TRIOBP: variants seen among roughly 807,000 people sequenced by gnomAD.
The protein encoded by TRIOBP is TRIO and F-actin-binding protein.
TRIOBP carries 169 observed loss-of-function variants against 238.8 expected under a neutral mutation model. The ratio of observed to expected loss-of-function variants is 0.71; its 90% CI spans 0.62 to 0.80. The LOEUF is 0.80. Ranked by LOEUF, TRIOBP falls within the 30% of genes least tolerant of loss-of-function variation. The pLI is 0.00. For missense variants in TRIOBP, 2,838 were observed against 3,122.6 expected (o/e 0.91, Z 2.17); for synonymous variants, 1,150 against 1,274.4 (o/e 0.90, Z 2.08).
At chr22:37,706,131 G>C (rs1922933475) in intron 3 of TRIOBP, among the ~76,000 whole-genome samples, 3 of 152,236 alleles carry the variant, frequency 2.0e-5, no homozygotes, top group African/African-American at 7.2e-5. Flanking sequence ...GAAACCCATG[G>C]CTGACTCCTG....
intron 21 of TRIOBP, among the ~76,000 whole-genome samples, chr22:37,770,678 A>T (rs1004285418): frequency 6.2e-5 from 8 of 128,972 alleles, no homozygotes; most frequent in African/African-American, 2.4e-4. Flanking sequence ...TGCCCAGCCG[A>T]TATTTTATTT....
In TRIOBP at chr22:37,715,903, GGGA is replaced by G; in HGVS notation, c.602_604del (p.Gly201del). 6.2e-7 allele frequency: 1 copy of G among 1,613,332 alleles called. No individual in the cohort carries two copies. The highest frequency in any genetic ancestry group is 8.5e-7 in the Non-Finnish European group (1 of 1,179,860). ...CGTCTCTCCTCACCAGGTCCCCTGT[GGGA>G]GGAGATGCTGCAGGCCAGAAAAAGG... On this transcript the variant is annotated inframe_deletion, in exon 6 of 24. Coordinates refer to ENST00000644935, the MANE Select transcript of TRIOBP (RefSeq NM_001039141.3).
chr22:37,735,917 A>C (rs991445487), intron 9 of TRIOBP, among the ~76,000 whole-genome samples: 4 of 152,204 alleles, frequency 2.6e-5, no homozygotes, highest in African/African-American at 9.6e-5. Context: ...CCCACCTGGG[A>C]CTGTAGCCAG....
chr22:37,752,792 G>A (rs1029126117), intron 12 of TRIOBP, among the ~76,000 whole-genome samples: 2 of 152,178 alleles, frequency 1.3e-5, no homozygotes, highest in African/African-American at 4.8e-5. Flanking sequence ...CCCAGAGCTG[G>A]CCATTAGTCA....
Position 37,725,880 on chromosome 22 carries a change from C to G in TRIOBP, c.3324C>G (p.Leu1108=). ...CCCCCCAACACGAGCCCCTTCAGCT[C>G]CCTGCACCTGTGTGTATTGGGTACC... ...CQSPQHEPLQ[L]PAPVCIGYRD... The change falls in exon 7 of 24, where the codon CTC becomes CTG. Residue 1108 remains leucine (L), a synonymous_variant. Transcript: ENST00000644935. 3 of 1,613,060 alleles carry G rather than the reference C, an allele frequency of 1.9e-6. No homozygotes were observed. Among genetic ancestry groups the G allele is most frequent in the Non-Finnish European group, 1.7e-6 (2 of 1,179,696 alleles).
At chr22:37,746,191 C>A in intron 11 of TRIOBP, 1 of 1,032,984 alleles carries the variant, frequency 9.7e-7, no homozygotes. Flanking sequence ...CCCATTGGCC[C>A]GCTCGGGTCC....
rs770548327 is a variant in TRIOBP at position 37,724,685 on chromosome 22, C to A, written c.2129C>A (p.Ser710Tyr). 3.7e-6 allele frequency: 6 copies of A among 1,610,922 alleles called. No individual in the cohort carries two copies. The African/African-American group carries it at 8.1e-5, about 22-fold the overall frequency. The change falls in exon 7 of 24, where the codon TCT becomes TAT. Residue 710 changes from serine to tyrosine, a missense_variant. Coordinates refer to ENST00000644935, the MANE Select transcript of TRIOBP (RefSeq NM_001039141.3). ...CAACGGGACGATCCCAGAGCCTCCTCTCCTAACAGAACCACCCAACAAGAG... is the reference window on the plus strand; with the variant it reads ...CAACGGGACGATCCCAGAGCCTCCTATCCTAACAGAACCACCCAACAAGAG... ...CAQRDDPRAS[S>Y]PNRTTQQENP...
At chr22:37,759,591 C>T (rs1302248889) in intron 17 of TRIOBP, 1 of 1,575,230 alleles carries the variant, frequency 6.3e-7, no homozygotes, top group Non-Finnish European at 8.6e-7. Context: ...GCACTTGGAC[C>T]CTTGCCCCGG....
At chr22:37,699,988 C>T (rs980952521) in intron 2 of TRIOBP, among the ~76,000 whole-genome samples, 2 of 152,062 alleles carry the variant, frequency 1.3e-5, no homozygotes, top group Admixed American at 1.3e-4. Context: ...AAGCGATTCT[C>T]GTGCCTCAGC....
chr22:37,735,231 G>C lies in TRIOBP; in HGVS notation c.4895G>C (p.Gly1632Ala). The change falls in exon 9 of 24, where the codon GGC becomes GCC. Residue 1632 changes from glycine (G) to alanine (A), a missense_variant. Physicochemically the swap from Gly to Ala is moderately conservative, Grantham distance 60. Coordinates refer to ENST00000644935, the MANE Select transcript of TRIOBP (RefSeq NM_001039141.3). ...PEQESHSQPE[G>A]WAEATPVNGH... is the part of the protein sequence containing the mutation. Reference sequence around the variant, plus strand: ...CAGGAGTCACACAGCCAGCCAGAAGGCTGGGCCGAGGCCACCCCAGTCAAT... The same window carrying C: ...CAGGAGTCACACAGCCAGCCAGAAGCCTGGGCCGAGGCCACCCCAGTCAAT... 4 of 1,605,276 alleles carry C rather than the reference G, an allele frequency of 2.5e-6. No individual in the cohort carries two copies. Among genetic ancestry groups the C allele is most frequent in the Non-Finnish European group, 3.4e-6 (4 of 1,173,506 alleles).
intron 11 of TRIOBP, among the ~76,000 whole-genome samples, chr22:37,745,785 GT>G (rs1925192243): frequency 6.6e-6 from 1 of 152,176 alleles, no homozygotes; most frequent in South Asian, 2.1e-4. Context: ...CCGCTGAGTC[GT>G]TAGTACTGGG....
rs552463601 is a variant in TRIOBP, at chr22:37,764,969, C to T, written c.6325-701C>T. On this transcript the variant is annotated intron_variant, in intron 17 of 23. Coordinates refer to ENST00000644935, the MANE Select transcript of TRIOBP (RefSeq NM_001039141.3). ...CTGGGCTGCAGGTCAGTAAATTACC[C>T]AGGGAGGTAAAGTTGCCAAAAAAAC... Among the ~76,000 whole-genome samples the T allele has an allele frequency of 3.9e-5, 6 of 152,236 alleles. No homozygotes were observed. In the East Asian group the frequency reaches 9.6e-4, roughly 24 times the overall value.
Position 37,755,487 on chromosome 22 carries a change from C to T in TRIOBP, c.5578-63C>T, listed in dbSNP as rs551544026. On this transcript the variant is annotated intron_variant, in intron 14 of 23. Coordinates refer to ENST00000644935, the MANE Select transcript of TRIOBP (RefSeq NM_001039141.3). Reference sequence around the variant, plus strand: ...AGGAAGGGCCACCCTCCCTGGGGTCCATAGTGGGGAGGGAGTCATGCGGCT... The same window carrying T: ...AGGAAGGGCCACCCTCCCTGGGGTCTATAGTGGGGAGGGAGTCATGCGGCT... 10 of 1,434,316 alleles carry T rather than the reference C, an allele frequency of 7.0e-6. No individual in the cohort carries two copies. In the East Asian group the frequency reaches 2.3e-4, roughly 33 times the overall value. The allele number at this position is 1,434,316 out of a possible 1,614,324, so 88.8% of individuals were successfully genotyped here. A position where few individuals can be genotyped will look rare whatever the true frequency, so the allele number is the denominator to read the frequency against.
At chr22:37,772,508 G>A (rs1333633024) in intron 22 of TRIOBP, 93 bp from the exon 23 acceptor site, 1 of 1,575,246 alleles carries the variant, frequency 6.3e-7, no homozygotes, top group Non-Finnish European at 8.7e-7. Flanking sequence ...AGGTATCTGC[G>A]GGGAGGTCTG....
intron 6 of TRIOBP, among the ~76,000 whole-genome samples, chr22:37,716,915 A>G (rs1047088605): frequency 1.3e-5 from 2 of 152,234 alleles, no homozygotes; most frequent in Admixed American, 6.5e-5. Flanking sequence ...GGCGGATGCA[A>G]AATCCCTAGG....
chr22:37,731,890 C>G (rs1005953167), intron 7 of TRIOBP, among the ~76,000 whole-genome samples: 1 of 152,252 alleles, frequency 6.6e-6, no homozygotes, highest in East Asian at 1.9e-4. Flanking sequence ...GCGCCCTGCC[C>G]AATCCCATAC....
At position 37,757,810 on chromosome 22, in the gene TRIOBP, C is replaced by G; in HGVS notation, c.5885C>G (p.Pro1962Arg). 1 of 1,547,872 alleles carries G rather than the reference C, an allele frequency of 6.5e-7. No homozygotes were observed. Among genetic ancestry groups the G allele is most frequent in the Non-Finnish European group, 8.7e-7 (1 of 1,145,182 alleles). Residue 1962 changes from proline (P) to arginine (R), a missense_variant, in exon 16 of 24, where the codon CCA (proline) becomes CGA (arginine). Around this residue, in one of 5 missense-constraint regions of TRIOBP, gnomAD observed 2,096 missense variants for 2,137.4 expected, o/e 0.98. Coordinates refer to ENST00000644935, the MANE Select transcript of TRIOBP (RefSeq NM_001039141.3). ...TQASPQRART[P>R]ARTPDRLAKQ... ...GCTTCCCCGCAGCGGGCCCGCACCC[C>G]AGCCCGCACTCCTGACCGCCTGGCC... is the stretch of plus-strand genomic sequence containing the variant.
intron 7 of TRIOBP, among the ~76,000 whole-genome samples, chr22:37,727,889 A>G (rs1405143451): frequency 6.6e-6 from 1 of 152,194 alleles, no homozygotes; most frequent in Non-Finnish European, 1.5e-5. Flanking sequence ...CGAGTTTTCA[A>G]GAATCAGAGC....
intron 5 of TRIOBP, among the ~76,000 whole-genome samples, chr22:37,714,401 G>T (rs1335747389): frequency 6.6e-6 from 1 of 152,236 alleles, no homozygotes; most frequent in Non-Finnish European, 1.5e-5. Flanking sequence ...GGGTGCGGTG[G>T]CTCACGCCTG....
Sources: gnomAD v4.1 joint callset for allele counts (sites outside exome capture counted in the v4.1 genomes callset) on GRCh38, gnomAD v4.1.1 for gene constraint, gnomAD v4.1.1 regional missense constraint, MANE v1.5 for transcripts, NCBI Gene and HGNC (gene_info 2026-07-23, HGNC 2026-07-21) for gene names.